The following DGKB variants were observed in gnomAD, a reference collection of about 807,000 sequenced individuals.
DGKB encodes 90 kDa diacylglycerol kinase.
In DGKB, 67 loss-of-function variants were observed where a neutral mutation model predicts 114.3. The observed-to-expected ratio is 0.59, with a 90% confidence interval of 0.48 to 0.72. DGKB has a LOEUF of 0.72. DGKB is among the 30% of genes least tolerant of loss of function. The pLI is 0.00. For missense variants in DGKB, 907 were observed against 975.2 expected (o/e 0.93, Z 0.93); for synonymous variants, 398 against 323.1 (o/e 1.23, Z -2.49).
At chr7:14,163,073 A>T (rs1432405020) in intron 25 of DGKB, among the ~76,000 whole-genome samples, 1 of 152,208 alleles carries the variant, frequency 6.6e-6, no homozygotes, top group Non-Finnish European at 1.5e-5. Flanking sequence ...AGAGCTGTCA[A>T]GCTCACGGGT....
At chr7:14,551,754 T>C (rs1268525080) in intron 20 of DGKB, among the ~76,000 whole-genome samples, 2 of 152,164 alleles carry the variant, frequency 1.3e-5, no homozygotes, top group African/African-American at 4.8e-5. Context: ...TAATTATGCA[T>C]ATTCTCAGTT....
chr7:14,229,963 T>A (rs1167901040), intron 23 of DGKB, among the ~76,000 whole-genome samples: 1 of 152,006 alleles, frequency 6.6e-6, no homozygotes, highest in Non-Finnish European at 1.5e-5. Flanking sequence ...AATTTTCCTA[T>A]CTTTGCCAAA....
At chr7:14,218,699 A>G (rs1173281266) in intron 23 of DGKB, among the ~76,000 whole-genome samples, 1 of 152,042 alleles carries the variant, frequency 6.6e-6, no homozygotes, top group African/African-American at 2.4e-5. Context: ...ATCCTTTGAG[A>G]AAGAAGCTGA....
intron 23 of DGKB, among the ~76,000 whole-genome samples, chr7:14,286,074 G>C (rs1800820599): frequency 6.6e-6 from 1 of 152,156 alleles, no homozygotes; most frequent in African/African-American, 2.4e-5. Flanking sequence ...CACAAAGTTT[G>C]CAATGTCAGA....
chr7:14,356,205 T>G (rs1814455874), intron 21 of DGKB, among the ~76,000 whole-genome samples: 1 of 152,074 alleles, frequency 6.6e-6, no homozygotes, highest in African/African-American at 2.4e-5. Flanking sequence ...TCTATCAATT[T>G]TGTTGATCTT....
intron 21 of DGKB, among the ~76,000 whole-genome samples, chr7:14,424,158 G>A (rs1278773972): frequency 6.6e-6 from 1 of 151,984 alleles, no homozygotes; most frequent in East Asian, 1.9e-4. Flanking sequence ...CTACCATTCA[G>A]TAAAACCAAA....
At chr7:14,346,431 A>G (rs1368439903) in intron 21 of DGKB, among the ~76,000 whole-genome samples, 1 of 151,974 alleles carries the variant, frequency 6.6e-6, no homozygotes, top group Non-Finnish European at 1.5e-5. Context: ...ATCTAAACAT[A>G]GTCAATAATG....
At chr7:14,652,182 A>C (rs139168501) in intron 13 of DGKB, among the ~76,000 whole-genome samples, 1 of 142,766 alleles carries the variant, frequency 7.0e-6, no homozygotes, top group Non-Finnish European at 1.5e-5. Context: ...AAAAGAGCCC[A>C]CATCACCAAG....
chr7:14,441,772 T>A (rs1443072337), intron 21 of DGKB, among the ~76,000 whole-genome samples: 1 of 152,094 alleles, frequency 6.6e-6, no homozygotes, highest in Non-Finnish European at 1.5e-5. Context: ...TGTTTTTTGC[T>A]CTCTTATCAA....
intron 2 of DGKB, among the ~76,000 whole-genome samples, chr7:14,763,061 T>C (rs1269862236): frequency 6.6e-6 from 1 of 152,112 alleles, no homozygotes. Flanking sequence ...CCAACAGTTA[T>C]TTTCTGTATC....
chr7:14,843,693 A>C (rs963750057), intron 1 of DGKB, among the ~76,000 whole-genome samples: 6 of 152,248 alleles, frequency 3.9e-5, no homozygotes, highest in African/African-American at 1.2e-4. Context: ...ATTGCCAACA[A>C]GGCAAAAATC....
rs181809532 is a variant in DGKB at position 14,359,079 on chromosome 7, G to T, written c.1836-13688C>A. Among the ~76,000 whole-genome samples the T allele has an allele frequency of 1.4e-3, 219 of 151,906 alleles. 2 individuals are homozygous for T. Among genetic ancestry groups the T allele is most frequent in the Middle Eastern group, 6.8e-3 (2 of 294 alleles). ...CTACAAGGCCACAGTAACCAAAACA[G>T]CATGGTACTGGTACCAAAACAGATA... On this transcript the variant is annotated intron_variant, in intron 21 of 25. Coordinates refer to ENST00000402815, the MANE Select transcript of DGKB (RefSeq NM_001350709.2).
chr7:14,287,610 G>C (rs1023798979), intron 23 of DGKB, among the ~76,000 whole-genome samples: 1 of 152,052 alleles, frequency 6.6e-6, no homozygotes, highest in African/African-American at 2.4e-5. Context: ...AGTATCTGTG[G>C]TTAATGTGAT....
intron 20 of DGKB, among the ~76,000 whole-genome samples, chr7:14,542,414 C>T (rs1441686699): frequency 6.6e-6 from 1 of 152,126 alleles, no homozygotes; most frequent in Non-Finnish European, 1.5e-5. Context: ...ACTTGTACTA[C>T]CCGTATTCTC....
intron 21 of DGKB, among the ~76,000 whole-genome samples, chr7:14,359,276 G>T (rs187719312): frequency 0.032 from 4,876 of 151,986 alleles, 260 homozygotes; most frequent in African/African-American, 0.11. Context: ...TGGAGAAAGC[G>T]GAAACTGGAT....
At chr7:14,154,816 G>A (rs1782748867) in intron 25 of DGKB, among the ~76,000 whole-genome samples, 1 of 151,126 alleles carries the variant, frequency 6.6e-6, no homozygotes, top group African/African-American at 2.4e-5. Context: ...GACACAGGAT[G>A]GCTATTTTTC....
intron 21 of DGKB, among the ~76,000 whole-genome samples, chr7:14,469,990 T>C (rs1781039319): frequency 6.6e-6 from 1 of 151,926 alleles, no homozygotes; most frequent in South Asian, 2.1e-4. Flanking sequence ...CAAACCGTAA[T>C]TTAGTCATAT....
intron 1 of DGKB, among the ~76,000 whole-genome samples, chr7:14,899,259 T>C (rs554510708): frequency 2.1e-4 from 32 of 152,268 alleles, no homozygotes; most frequent in African/African-American, 7.5e-4. Flanking sequence ...CCAACTACTC[T>C]TTTACCTCTT....
intron 23 of DGKB, among the ~76,000 whole-genome samples, chr7:14,204,364 A>G (rs916320014): frequency 3.3e-5 from 5 of 152,084 alleles, no homozygotes; most frequent in Non-Finnish European, 7.4e-5. Context: ...AATTTATTGC[A>G]GCTCTTCTAC....
Sources: allele counts gnomAD v4.1 joint callset (sites outside exome capture counted in the v4.1 genomes callset), GRCh38; gene constraint gnomAD v4.1.1; transcripts MANE v1.5; gene names NCBI Gene and HGNC (gene_info 2026-07-23, HGNC 2026-07-21).